Variants in GRAMD1C observed in about 807,000 individuals in gnomAD.
GRAMD1C encodes protein Aster-C.
Under a neutral mutation model 97.8 loss-of-function variants are expected in GRAMD1C, and 89 were observed. The observed-to-expected ratio is 0.91, with a 90% confidence interval of 0.77 to 1.09. The LOEUF (loss-of-function observed/expected upper bound fraction) is 1.09. Among genes scored for constraint, GRAMD1C ranks in the 50% least tolerant of loss-of-function variants. The pLI is 0.00. For missense variants in GRAMD1C, 740 were observed against 766.4 expected (o/e 0.97, Z 0.41); for synonymous variants, 256 against 267.0 (o/e 0.96, Z 0.40).
At chr3:113,903,486 A>G (rs533855193) in intron 7 of GRAMD1C, among the ~76,000 whole-genome samples, 1 of 151,936 alleles carries the variant, frequency 6.6e-6, no homozygotes, top group South Asian at 2.1e-4. Flanking sequence ...CCTGTTGAGC[A>G]TTGGAAATTA....
chr3:113,852,197 A>T (rs1174857325), intron 2 of GRAMD1C, among the ~76,000 whole-genome samples: 1 of 152,156 alleles, frequency 6.6e-6, no homozygotes, highest in African/African-American at 2.4e-5. Context: ...TCCCAAGAGG[A>T]TTAATTAGTA....
rs1709687714 is a variant in GRAMD1C, at chr3:113,838,839, GCT to G, written c.-70_-69del. The G allele has an allele frequency of 8.8e-7, 1 of 1,139,546 alleles. No individual in the cohort carries two copies. The highest frequency in any genetic ancestry group is 1.6e-5 in the African/African-American group (1 of 62,236). 70.6% of individuals were successfully genotyped at this position (1,139,546 alleles called of 1,614,324 possible). Reference sequence around the variant, plus strand: ...GCGGAGCCTGTAACTCGCAGCGCGCGCTGGAGGTGGGCGCGGGGCGGTGCGGT... The same window carrying G: ...GCGGAGCCTGTAACTCGCAGCGCGCGGGAGGTGGGCGCGGGGCGGTGCGGT... On this transcript the variant is annotated 5_prime_UTR_variant, in exon 1 of 18. Transcript: ENST00000358160.
At chr3:113,848,629 A>G (rs758039803) in intron 2 of GRAMD1C, among the ~76,000 whole-genome samples, 16 of 151,780 alleles carry the variant, frequency 1.1e-4, no homozygotes, top group Admixed American at 6.6e-5. Context: ...ACATAGTAAG[A>G]CCCCCATCTC....
At chr3:113,935,241 TTGCC>T (rs1937554543) in intron 13 of GRAMD1C, among the ~76,000 whole-genome samples, 1 of 152,112 alleles carries the variant, frequency 6.6e-6, no homozygotes, top group Non-Finnish European at 1.5e-5. Context: ...TCATACCCCT[TTGCC>T]TCTGTAAGGA....
At chr3:113,905,313 G>A (rs999674720) in intron 8 of GRAMD1C, among the ~76,000 whole-genome samples, 4 of 152,182 alleles carry the variant, frequency 2.6e-5, no homozygotes, top group African/African-American at 9.7e-5. Flanking sequence ...AGCACATTTT[G>A]TATGTTTTCT....
At chr3:113,851,777 C>T (rs1427746672) in intron 2 of GRAMD1C, among the ~76,000 whole-genome samples, 1 of 152,174 alleles carries the variant, frequency 6.6e-6, no homozygotes, top group Non-Finnish European at 1.5e-5. Flanking sequence ...CTCAGCCTCC[C>T]AAAGTGCTGG....
chr3:113,858,742 A>G (rs1239588045), intron 2 of GRAMD1C, among the ~76,000 whole-genome samples: 1 of 151,922 alleles, frequency 6.6e-6, no homozygotes, highest in Non-Finnish European at 1.5e-5. Context: ...TATTTTTAGT[A>G]CAGATGGGGT....
chr3:113,876,927 G>A (rs887715852), intron 5 of GRAMD1C, among the ~76,000 whole-genome samples: 5 of 151,818 alleles, frequency 3.3e-5, no homozygotes, highest in Non-Finnish European at 7.4e-5. Flanking sequence ...GGGGGAGGAG[G>A]GGAGAGAGAA....
intron 1 of GRAMD1C, among the ~76,000 whole-genome samples, chr3:113,843,043 TA>T (rs1220141904): frequency 1.5e-5 from 2 of 135,364 alleles, no homozygotes; most frequent in Non-Finnish European, 3.1e-5. Context: ...TGGTCCACCA[TA>T]AGCTGTTTTT....
intron 9 of GRAMD1C, among the ~76,000 whole-genome samples, chr3:113,910,795 A>G (rs1271714229): frequency 6.6e-6 from 1 of 152,106 alleles, no homozygotes; most frequent in African/African-American, 2.4e-5. Flanking sequence ...GCAATGTTCA[A>G]TCTCCTCCCC....
chr3:113,928,613 C>T (rs556027120), intron 10 of GRAMD1C, among the ~76,000 whole-genome samples: 1 of 152,288 alleles, frequency 6.6e-6, no homozygotes, highest in South Asian at 2.1e-4. Context: ...AATGCTATAC[C>T]TGTTGAATGG....
At chr3:113,900,524 G>A (rs780931639) in intron 6 of GRAMD1C, among the ~76,000 whole-genome samples, 6 of 149,666 alleles carry the variant, frequency 4.0e-5, no homozygotes, top group Non-Finnish European at 3.0e-5. Flanking sequence ...GGGTTCAATC[G>A]ATTCTCCTGC....
At chr3:113,846,257 T>C (rs1037729689) in intron 2 of GRAMD1C, among the ~76,000 whole-genome samples, 8 of 151,952 alleles carry the variant, frequency 5.3e-5, no homozygotes, top group African/African-American at 1.9e-4. Context: ...CAAGCACCTG[T>C]CACCACACCC....
chr3:113,838,621 T>C (rs1709680941), upstream of GRAMD1C: 4 of 344,876 alleles, frequency 1.2e-5, no homozygotes, highest in Non-Finnish European at 2.1e-5. Context: ...TTTTCGCACA[T>C]TGGGGCAGGG....
At position 113,929,168 on chromosome 3, in the gene GRAMD1C, C is replaced by T. The variant is rs1480185895; in HGVS notation, c.1091-1546C>T. On this transcript the variant is annotated intron_variant, in intron 10 of 17. Transcript: ENST00000358160. ...TAATAGCTATCCTAATGGGCACGAA[C>T]GTTCACCAATTTTAAAACTTTATTA... 5.9e-5 allele frequency among the ~76,000 whole-genome samples: 9 copies of T among 152,160 alleles called. No homozygotes were observed. The South Asian group carries it at 8.3e-4, about 14-fold the overall frequency.
At chr3:113,832,857 C>A (rs768515160) in intron 1 of GRAMD1C, among the ~76,000 whole-genome samples, 1 of 152,134 alleles carries the variant, frequency 6.6e-6, no homozygotes, top group Non-Finnish European at 1.5e-5. Flanking sequence ...TAACACCCAG[C>A]CAGGCAGTTT....
At chr3:113,879,278 C>T (rs1209670011) in intron 5 of GRAMD1C, among the ~76,000 whole-genome samples, 1 of 152,034 alleles carries the variant, frequency 6.6e-6, no homozygotes, top group Non-Finnish European at 1.5e-5. Context: ...TGCCAAGTTG[C>T]TTTACCCTCT....
chr3:113,848,161 T>G (rs772784592), intron 2 of GRAMD1C, among the ~76,000 whole-genome samples: 1 of 152,248 alleles, frequency 6.6e-6, no homozygotes, highest in Non-Finnish European at 1.5e-5. Context: ...CATTGGAGAC[T>G]GCGAACAAAA....
intron 6 of GRAMD1C, among the ~76,000 whole-genome samples, chr3:113,895,158 G>A (rs77603045): frequency 0.017 from 2,591 of 152,248 alleles, 38 homozygotes; most frequent in Non-Finnish European, 0.025. Flanking sequence ...CAAGGTCACA[G>A]TAAATTGTCC....
Sources: gnomAD v4.1 joint callset for allele counts (sites outside exome capture counted in the v4.1 genomes callset) on GRCh38, gnomAD v4.1.1 for gene constraint, MANE v1.5 for transcripts, NCBI Gene and HGNC (gene_info 2026-07-23, HGNC 2026-07-21) for gene names.